Variants in SEC24D observed in about 807,000 individuals in gnomAD.
SEC24D encodes the protein protein transport protein Sec24D.
Under a neutral mutation model 116.9 loss-of-function variants are expected in SEC24D, and 69 were observed. That is an observed-to-expected ratio of 0.59 (90% CI 0.49 to 0.72). The LOEUF is 0.72. SEC24D is among the 30% of genes least tolerant of loss of function. SEC24D has a pLI of 0.00. For missense variants in SEC24D, 1,131 were observed against 1,264.1 expected, an observed-to-expected ratio of 0.89 and a Z score of 1.60; for synonymous variants, 405 against 442.8, an observed-to-expected ratio of 0.91 and a Z score of 1.07.
intron 7 of SEC24D, among the ~76,000 whole-genome samples, chr4:118,802,193 T>C (rs1560724107): frequency 6.6e-6 from 1 of 152,176 alleles, no homozygotes. Flanking sequence ...ATGAGGTGCT[T>C]GAACAGGGTC....
chr4:118,757,912 T>C, intron 10 of SEC24D, 67 bp from the exon 11 acceptor site: 2 of 1,286,314 alleles, frequency 1.6e-6, no homozygotes, highest in East Asian at 2.5e-5. Context: ...TCAATACTCA[T>C]TAGAAACTCT....
intron 13 of SEC24D, among the ~76,000 whole-genome samples, chr4:118,748,673 G>A (rs569189941): frequency 6.0e-4 from 91 of 151,978 alleles, no homozygotes; most frequent in African/African-American, 2.1e-3. Context: ...TAACACCCTC[G>A]ACAGAGCTTA....
chr4:118,835,773 A>G (rs1578490665), intron 1 of SEC24D, among the ~76,000 whole-genome samples, 168 bp downstream of exon 1: 1 of 152,082 alleles, frequency 6.6e-6, no homozygotes, highest in East Asian at 1.9e-4. Flanking sequence ...CCACTATTAA[A>G]CTGCACTAGA....
intron 3 of SEC24D, among the ~76,000 whole-genome samples, chr4:118,821,265 T>C (rs1730390287): frequency 6.6e-6 from 1 of 152,258 alleles, no homozygotes; most frequent in Non-Finnish European, 1.5e-5. Flanking sequence ...TTCACACATA[T>C]CAGCTTCAAT....
intron 8 of SEC24D, 26 bp downstream of exon 8, chr4:118,797,657 G>T (rs1181024917): frequency 3.3e-6 from 5 of 1,501,296 alleles, no homozygotes; most frequent in East Asian, 4.6e-5. Context: ...ATAAATTATT[G>T]AATTGCTATT....
chr4:118,738,418 TCAGA>T, intron 18 of SEC24D, 39 bp from the exon 19 acceptor site: 1 of 1,310,040 alleles, frequency 7.6e-7, no homozygotes. Context: ...GAGTTTTAGC[TCAGA>T]CACTGATCTC....
chr4:118,731,447 G>C lies in SEC24D; in HGVS notation c.2737C>G (p.Leu913Val). 6.2e-7 allele frequency: 1 copy of C among 1,614,116 alleles called. No individual in the cohort carries two copies. The highest frequency in any genetic ancestry group is 8.5e-7 in the Non-Finnish European group (1 of 1,179,990). The change falls in exon 21 of 23, where the codon CTT (leucine) becomes GTT (valine). Residue 913 changes from leucine (L) to valine (V), a missense_variant. Physicochemically the swap from Leu to Val is conservative, Grantham distance 32. Transcript: ENST00000280551. Reference protein sequence around the residue: ...PAAVRCSESRLSEEGIFLLAN... With the variant: ...PAAVRCSESRVSEEGIFLLAN... Reference sequence around the variant, plus strand: ...AGTAAGAATATTCCTTCTTCTGAAAGACGGGACTCAGAGCAACGAACGGCA... The same window carrying C: ...AGTAAGAATATTCCTTCTTCTGAAACACGGGACTCAGAGCAACGAACGGCA...
chr4:118,801,356 T>C (rs1484082503), intron 7 of SEC24D, among the ~76,000 whole-genome samples: 3 of 152,018 alleles, frequency 2.0e-5, no homozygotes, highest in Non-Finnish European at 4.4e-5. Flanking sequence ...AGATAGCTTC[T>C]AGGAACAGAA....
Position 118,740,761 on chromosome 4 carries a change from T to C in SEC24D, c.2140A>G (p.Thr714Ala), listed in dbSNP as rs754286687. 1.2e-6 allele frequency: 2 copies of C among 1,613,940 alleles called. No individual in the cohort carries two copies. The highest frequency in any genetic ancestry group is 1.3e-5 in the African/African-American group (1 of 75,022). Residue 714 changes from threonine to alanine, a missense_variant, in exon 17 of 23, where the codon ACC (threonine) becomes GCC (alanine). Coordinates refer to ENST00000280551, the MANE Select transcript of SEC24D (RefSeq NM_014822.4). ...FFGGILMNNT[T>A]DVEMAAIDCD... Reference sequence around the variant, plus strand: ...TCGATGGCAGCCATTTCTACATCGGTGGTGTTGTTCATCAAGATTCCACCA... The same window carrying C: ...TCGATGGCAGCCATTTCTACATCGGCGGTGTTGTTCATCAAGATTCCACCA...
At chr4:118,828,407 C>A (rs1415083404) in intron 2 of SEC24D, among the ~76,000 whole-genome samples, 3 of 152,188 alleles carry the variant, frequency 2.0e-5, no homozygotes, top group East Asian at 3.8e-4. Flanking sequence ...CCGCACCCGG[C>A]CTTACATTAA....
Position 118,740,660 on chromosome 4 carries a change from C to A in SEC24D, c.2238+3G>T. ...CGAAAGGTGGGAATACACTTTCAAT[C>A]ACCTGGATTAAGGCTCCACTGTCTT... On this transcript the variant is annotated splice_donor_region_variant and intron_variant, in intron 17 of 22. Coordinates refer to ENST00000280551, the MANE Select transcript of SEC24D (RefSeq NM_014822.4). 1.9e-6 allele frequency: 3 copies of A among 1,613,406 alleles called. No individual in the cohort carries two copies. The highest frequency in any genetic ancestry group is 2.5e-6 in the Non-Finnish European group (3 of 1,179,590).
intron 2 of SEC24D, 53 bp downstream of exon 2, chr4:118,833,526 C>T: frequency 8.2e-7 from 1 of 1,214,230 alleles, no homozygotes; most frequent in Non-Finnish European, 1.2e-6. Flanking sequence ...CATCTTATGT[C>T]TCTGAGCCTG....
At chr4:118,773,560 TG>T (rs1728005712) in intron 8 of SEC24D, among the ~76,000 whole-genome samples, 2 of 152,172 alleles carry the variant, frequency 1.3e-5, no homozygotes, top group Non-Finnish European at 2.9e-5. Context: ...TTGGATTAAT[TG>T]GGGGATATAA....
intron 2 of SEC24D, among the ~76,000 whole-genome samples, chr4:118,827,125 G>A (rs1298885310): frequency 1.3e-5 from 2 of 152,168 alleles, no homozygotes; most frequent in African/African-American, 4.8e-5. Flanking sequence ...AAAGACATGA[G>A]AGAGGATGGC....
chr4:118,731,486 T>C lies in SEC24D; in HGVS notation c.2698A>G (p.Thr900Ala). The C allele has an allele frequency of 6.2e-7, 1 of 1,614,094 alleles. No homozygotes were observed. The highest frequency in any genetic ancestry group is 8.5e-7 in the Non-Finnish European group (1 of 1,179,966). Reference protein sequence around the residue: ...LPIHTLDVKSTMLPAAVRCSE... With the variant: ...LPIHTLDVKSAMLPAAVRCSE... ...CAACGAACGGCAGCAGGTAACATTG[T>C]ACTCTTGACATCTAACGTGTGCTGG... The change falls in exon 21 of 23, where the codon ACA becomes GCA. Residue 900 changes from threonine to alanine, a missense_variant. By Grantham distance (58) the Thr-to-Ala change is moderately conservative. Coordinates refer to ENST00000280551, the MANE Select transcript of SEC24D (RefSeq NM_014822.4).
At chr4:118,778,338 T>C (rs1307301860) in intron 8 of SEC24D, among the ~76,000 whole-genome samples, 1 of 152,256 alleles carries the variant, frequency 6.6e-6, no homozygotes, top group Non-Finnish European at 1.5e-5. Flanking sequence ...TAGCCAGTTT[T>C]CTCAGCACCA....
chr4:118,828,271 G>C (rs1053069996), intron 2 of SEC24D, among the ~76,000 whole-genome samples: 1 of 152,066 alleles, frequency 6.6e-6, no homozygotes, highest in African/African-American at 2.4e-5. Flanking sequence ...ACTACGCCCG[G>C]CTAATTTATT....
At chr4:118,799,880 G>A (rs2110508109) in intron 7 of SEC24D, among the ~76,000 whole-genome samples, 1 of 152,266 alleles carries the variant, frequency 6.6e-6, no homozygotes, top group South Asian at 2.1e-4. Flanking sequence ...AGAAAAGAGT[G>A]CTAGCTGGTA....
At position 118,824,876 on chromosome 4, in the gene SEC24D, T is replaced by C. The variant is rs1360419235; in HGVS notation, c.119-127A>G. Reference sequence around the variant, plus strand: ...ACAAATGGATTAGAACAAAATCTCTTTCAAGCTTAACCATCACCTACAGAC... The same window carrying C: ...ACAAATGGATTAGAACAAAATCTCTCTCAAGCTTAACCATCACCTACAGAC... On this transcript the variant is annotated intron_variant, in intron 2 of 22. Transcript: ENST00000280551. The C allele has an allele frequency of 3.6e-6, 3 of 825,868 alleles. No homozygotes were observed. The East Asian group carries it at 8.4e-5, about 23-fold the overall frequency. The allele number at this position is 825,868 out of a possible 1,614,324, so 51.2% of individuals were successfully genotyped here.
Sources: allele counts gnomAD v4.1 joint callset (sites outside exome capture counted in the v4.1 genomes callset), GRCh38; gene constraint gnomAD v4.1.1; transcripts MANE v1.5; gene names NCBI Gene and HGNC (gene_info 2026-07-23, HGNC 2026-07-21).